Variants in MCF2L2 observed in about 807,000 individuals in gnomAD.
MCF2L2 encodes the protein probable guanine nucleotide exchange factor MCF2L2.
A neutral mutation model predicts 150.2 loss-of-function variants in MCF2L2; 102 were observed. That is an observed-to-expected ratio of 0.68 (90% CI 0.58 to 0.80). The LOEUF (loss-of-function observed/expected upper bound fraction) is 0.80. Among genes scored for constraint, MCF2L2 ranks in the 30% least tolerant of loss-of-function variants. The pLI is 0.00. For missense variants in MCF2L2, 1,256 were observed against 1,372.8 expected (o/e 0.91, Z 1.34); for synonymous variants, 465 against 491.3 (o/e 0.95, Z 0.71).
intron 14 of MCF2L2, among the ~76,000 whole-genome samples, chr3:183,279,251 C>CT (rs35251024): frequency 0.034 from 5,049 of 147,944 alleles, 253 homozygotes; most frequent in African/African-American, 0.11. Context: ...TTTTTTATTT[C>CT]TTTTTTTTTT....
At chr3:183,204,817 A>G (rs2108645486) in intron 25 of MCF2L2, among the ~76,000 whole-genome samples, 1 of 152,350 alleles carries the variant, frequency 6.6e-6, no homozygotes, top group African/African-American at 2.4e-5. Context: ...ACTGTTACTC[A>G]GCCATAAAAA....
At chr3:183,266,790 C>CTTTTTT (rs113393313) in intron 15 of MCF2L2, among the ~76,000 whole-genome samples, 38 of 143,726 alleles carry the variant, frequency 2.6e-4, no homozygotes, top group African/African-American at 9.5e-4. Flanking sequence ...GTGTTTCAGT[C>CTTTTTT]TTTTTTTTTT....
intron 20 of MCF2L2, among the ~76,000 whole-genome samples, chr3:183,222,208 T>C (rs1401916072): frequency 6.6e-6 from 1 of 152,092 alleles, no homozygotes; most frequent in African/African-American, 2.4e-5. Context: ...TGTTGGGCAA[T>C]GAGCTTAACC....
At chr3:183,232,344 T>C (rs556436985) in intron 15 of MCF2L2, among the ~76,000 whole-genome samples, 1 of 152,290 alleles carries the variant, frequency 6.6e-6, no homozygotes, top group Admixed American at 6.5e-5. Flanking sequence ...GACTTTAGCC[T>C]TGTGGGACTC....
chr3:183,200,113 T>G (rs1722222605), intron 25 of MCF2L2, among the ~76,000 whole-genome samples: 1 of 152,230 alleles, frequency 6.6e-6, no homozygotes, highest in Non-Finnish European at 1.5e-5. Context: ...TATAGCAGCA[T>G]GATTTATAAT....
rs1726868192 is a variant in MCF2L2, at chr3:183,272,548, CTTG to C, written c.1862+4321_1862+4323del. The C allele has an allele frequency of 3.0e-6, 3 of 992,094 alleles. No homozygotes were observed. In the African/African-American group the frequency reaches 5.3e-5, roughly 17 times the overall value. 61.5% of individuals were successfully genotyped at this position (992,094 alleles called of 1,614,324 possible). A position where few individuals can be genotyped will look rare whatever the true frequency, so the allele number is the denominator to read the frequency against. Reference sequence around the variant, plus strand: ...TTTTTTTCTATTTTGAAATTTGAGGCTTGTTTACATTGCTTAGATAATTTAGAA... The same window carrying C: ...TTTTTTTCTATTTTGAAATTTGAGGCTTTACATTGCTTAGATAATTTAGAA... On this transcript the variant is annotated intron_variant, in intron 15 of 29. Coordinates refer to ENST00000328913, the MANE Select transcript of MCF2L2 (RefSeq NM_015078.4).
intron 27 of MCF2L2, among the ~76,000 whole-genome samples, chr3:183,191,490 G>A (rs187452741): frequency 7.3e-5 from 11 of 151,566 alleles, no homozygotes; most frequent in East Asian, 5.8e-4. Flanking sequence ...GCCCGAAACC[G>A]CAGAGAGTGC....
chr3:183,326,172 C>A (rs372157025), intron 5 of MCF2L2, among the ~76,000 whole-genome samples: 173 of 152,134 alleles, frequency 1.1e-3, no homozygotes, highest in African/African-American at 4.0e-3. Context: ...CACACAAATA[C>A]GATCAATTGA....
At chr3:183,184,016 T>C (rs966510374) in intron 27 of MCF2L2, among the ~76,000 whole-genome samples, 2 of 152,216 alleles carry the variant, frequency 1.3e-5, no homozygotes, top group African/African-American at 2.4e-5. Context: ...TGTTTTGTTT[T>C]GTTTTTTTGT....
chr3:183,251,367 C>G (rs1196949275), intron 15 of MCF2L2, among the ~76,000 whole-genome samples: 2 of 152,162 alleles, frequency 1.3e-5, no homozygotes, highest in African/African-American at 4.8e-5. Context: ...CACCATCTCC[C>G]AGGTTCTCTT....
intron 14 of MCF2L2, among the ~76,000 whole-genome samples, chr3:183,284,286 T>A (rs1350700444): frequency 6.6e-6 from 1 of 152,200 alleles, no homozygotes; most frequent in African/African-American, 2.4e-5. Flanking sequence ...GAAATCCAGA[T>A]CCAACTTAAT....
chr3:183,198,085 A>G (rs1332693013), intron 25 of MCF2L2, among the ~76,000 whole-genome samples: 1 of 152,228 alleles, frequency 6.6e-6, no homozygotes, highest in Non-Finnish European at 1.5e-5. Context: ...TTAGGTATTT[A>G]CCCAAGAGAA....
chr3:183,367,360 G>A (rs1400139671), intron 3 of MCF2L2, among the ~76,000 whole-genome samples: 1 of 151,718 alleles, frequency 6.6e-6, no homozygotes, highest in Non-Finnish European at 1.5e-5. Flanking sequence ...CAAGTAGCTG[G>A]GGATTACAGG....
chr3:183,350,430 G>C (rs1731066587), intron 3 of MCF2L2, among the ~76,000 whole-genome samples: 1 of 151,884 alleles, frequency 6.6e-6, no homozygotes, highest in Admixed American at 6.6e-5. Flanking sequence ...TACCCCTCTT[G>C]TTCTTTTTAA....
At chr3:183,262,382 A>G (rs917325659) in intron 15 of MCF2L2, among the ~76,000 whole-genome samples, 1 of 152,138 alleles carries the variant, frequency 6.6e-6, no homozygotes, top group African/African-American at 2.4e-5. Flanking sequence ...GCAGGGCTGT[A>G]TAAGTGCAGG....
intron 15 of MCF2L2, among the ~76,000 whole-genome samples, chr3:183,234,224 G>A (rs1723700149): frequency 6.6e-6 from 1 of 152,158 alleles, no homozygotes; most frequent in Admixed American, 6.5e-5. Flanking sequence ...CCTTCATGAA[G>A]CACTGGGCTT....
chr3:183,323,744 C>G (rs1054457647), intron 5 of MCF2L2, among the ~76,000 whole-genome samples: 2 of 148,814 alleles, frequency 1.3e-5, no homozygotes, highest in African/African-American at 5.0e-5. Flanking sequence ...CTGCAGCAAA[C>G]AGTGATCGCA....
intron 3 of MCF2L2, chr3:183,375,141 GAAT>G (rs1441363597): frequency 2.0e-5 from 3 of 152,174 alleles, no homozygotes; most frequent in Non-Finnish European, 4.4e-5. Flanking sequence ...TAAATCAATA[GAAT>G]AATAAGTTTT....
intron 15 of MCF2L2, among the ~76,000 whole-genome samples, chr3:183,263,088 T>C (rs1725772373): frequency 6.6e-6 from 1 of 151,640 alleles, no homozygotes; most frequent in South Asian, 2.1e-4. Context: ...AGCTGAGGAG[T>C]GAGTGTACTA....
Sources: gnomAD v4.1 joint callset for allele counts (sites outside exome capture counted in the v4.1 genomes callset) on GRCh38, gnomAD v4.1.1 for gene constraint, MANE v1.5 for transcripts, NCBI Gene and HGNC (gene_info 2026-07-23, HGNC 2026-07-21) for gene names.